The following COMMD10 variants were observed in gnomAD, a reference collection of about 807,000 sequenced individuals.
COMMD10 encodes the protein COMM domain containing 10, also known as COMM domain-containing protein 10.
A neutral mutation model predicts 28.9 loss-of-function variants in COMMD10; 33 were observed. The observed-to-expected ratio is 1.14, with a 90% CI of 0.87 to 1.53. The LOEUF is 1.53. Ranked by LOEUF, COMMD10 falls within the 40% of genes most tolerant of loss-of-function variation. COMMD10 has a pLI of 0.00. For missense variants in COMMD10, 310 were observed against 233.4 expected (o/e 1.33, Z -2.14); for synonymous variants, 110 against 81.7 (o/e 1.35, Z -1.87).
chr5:116,173,442 T>C lies in COMMD10; in HGVS notation c.510+39264T>C, dbSNP rs200194420. Among the ~76,000 whole-genome samples the C allele has an allele frequency of 2.8e-4, 43 of 152,280 alleles. No homozygotes were observed. The East Asian group carries it at 7.3e-3, about 26-fold the overall frequency. On this transcript the variant is annotated intron_variant, in intron 5 of 6. Coordinates refer to ENST00000274458, the MANE Select transcript of COMMD10 (RefSeq NM_016144.4). Reference sequence around the variant, plus strand: ...TTTTAACATTTTACTTTCTATGTTATTTTGGTGAACTGGATCATGCAACTT... The same window carrying C: ...TTTTAACATTTTACTTTCTATGTTACTTTGGTGAACTGGATCATGCAACTT...
rs766145196 is a variant in COMMD10 at position 116,091,114 on chromosome 5, A to T, written c.168A>T (p.Lys56Asn). The T allele has an allele frequency of 5.0e-6, 8 of 1,612,102 alleles. No homozygotes were observed. The highest frequency in any genetic ancestry group is 5.9e-6 in the Non-Finnish European group (7 of 1,178,958). The change falls in exon 3 of 7, where the codon AAA becomes AAT. Residue 56 changes from lysine to asparagine, a missense_variant. Transcript: ENST00000274458. ...ESSFSEEEEE[K>N]LQAAFSLEKQ... Reference sequence around the variant, plus strand: ...GTTTCAGTGAAGAAGAGGAAGAAAAACTTCAAGCGGCATTTTCTCTAGAGA... The same window carrying T: ...GTTTCAGTGAAGAAGAGGAAGAAAATCTTCAAGCGGCATTTTCTCTAGAGA...
At chr5:116,271,979 T>C (rs1024359596) in intron 5 of COMMD10, among the ~76,000 whole-genome samples, 2 of 151,890 alleles carry the variant, frequency 1.3e-5, no homozygotes, top group African/African-American at 4.9e-5. Context: ...ACTTTGGGAT[T>C]ACACAAATTT....
At chr5:116,163,423 T>TTAAAA (rs1752984841) in intron 5 of COMMD10, among the ~76,000 whole-genome samples, 2 of 92,524 alleles carry the variant, frequency 2.2e-5, no homozygotes, top group African/African-American at 1.1e-4. Context: ...CACCTCTACT[T>TTAAAA]AAAAAAAAAA....
chr5:116,132,065 A>G (rs1751879680), intron 4 of COMMD10, among the ~76,000 whole-genome samples: 1 of 151,978 alleles, frequency 6.6e-6, no homozygotes, highest in Non-Finnish European at 1.5e-5. Context: ...GGATGATGGG[A>G]CGAGGTTCTA....
At chr5:116,141,605 T>C (rs2112782169) in intron 5 of COMMD10, among the ~76,000 whole-genome samples, 1 of 152,016 alleles carries the variant, frequency 6.6e-6, no homozygotes, top group East Asian at 1.9e-4. Context: ...GTTATAGTTT[T>C]CAGAGCTTTC....
intron 5 of COMMD10, among the ~76,000 whole-genome samples, chr5:116,170,885 A>G (rs1321618567): frequency 6.6e-6 from 1 of 152,230 alleles, no homozygotes; most frequent in South Asian, 2.1e-4. Flanking sequence ...TAAAAACCCT[A>G]GGAAAAAATC....
chr5:116,124,605 T>G (rs901704203), intron 4 of COMMD10, among the ~76,000 whole-genome samples: 1 of 152,190 alleles, frequency 6.6e-6, no homozygotes, highest in Non-Finnish European at 1.5e-5. Flanking sequence ...CAGAGCTGAG[T>G]TGAAGTCCTG....
chr5:116,237,597 C>G (rs187469760), intron 5 of COMMD10, among the ~76,000 whole-genome samples: 2 of 151,922 alleles, frequency 1.3e-5, no homozygotes, highest in Admixed American at 1.3e-4. Context: ...ATCACTGGAG[C>G]GCAAAAGTTT....
At chr5:116,244,805 G>T (rs942022801) in intron 5 of COMMD10, among the ~76,000 whole-genome samples, 6 of 151,734 alleles carry the variant, frequency 4.0e-5, no homozygotes, top group African/African-American at 1.5e-4. Context: ...ACAAAATACC[G>T]GAATCTATGG....
intron 5 of COMMD10, among the ~76,000 whole-genome samples, chr5:116,190,074 G>A (rs1166097683): frequency 6.6e-6 from 1 of 152,132 alleles, no homozygotes; most frequent in African/African-American, 2.4e-5. Flanking sequence ...GATTGGTTGA[G>A]ATTGGATGAG....
chr5:116,115,766 A>G (rs1234461254), intron 4 of COMMD10, among the ~76,000 whole-genome samples: 1 of 152,180 alleles, frequency 6.6e-6, no homozygotes, highest in Non-Finnish European at 1.5e-5. Context: ...ACATCAATGT[A>G]TCTTTTCTGG....
chr5:116,232,570 G>A (rs373650590), intron 5 of COMMD10, among the ~76,000 whole-genome samples: 12 of 151,908 alleles, frequency 7.9e-5, no homozygotes, highest in South Asian at 2.1e-4. Context: ...ACGTGGTAGC[G>A]GGTGCCTGTA....
intron 5 of COMMD10, among the ~76,000 whole-genome samples, chr5:116,204,004 T>G (rs999429296): frequency 3.9e-5 from 6 of 152,060 alleles, no homozygotes; most frequent in Admixed American, 6.6e-5. Flanking sequence ...CCATCTCACG[T>G]GCAGAGACAC....
At chr5:116,118,354 CTGTT>C (rs1398587027) in intron 4 of COMMD10, among the ~76,000 whole-genome samples, 1 of 152,094 alleles carries the variant, frequency 6.6e-6, no homozygotes, top group Non-Finnish European at 1.5e-5. Context: ...TAATTTTTGT[CTGTT>C]TGTTTACTGC....
rs146280646 is a variant in COMMD10, at chr5:116,197,731, A to G, written c.510+63553A>G. ...AGAAAATTCATGAAAGGATTCTGCC[A>G]TTTTATTCACCTTTCTGACACTGCA... On this transcript the variant is annotated intron_variant, in intron 5 of 6. Coordinates refer to ENST00000274458, the MANE Select transcript of COMMD10 (RefSeq NM_016144.4). 7.5e-3 allele frequency among the ~76,000 whole-genome samples: 1,137 copies of G among 152,206 alleles called. 13 individuals carry two copies. Among genetic ancestry groups the G allele is most frequent in the Non-Finnish European group, 7.3e-3 (498 of 68,006 alleles).
At chr5:116,171,586 C>T (rs533267894) in intron 5 of COMMD10, among the ~76,000 whole-genome samples, 1 of 152,240 alleles carries the variant, frequency 6.6e-6, no homozygotes, top group East Asian at 1.9e-4. Context: ...CCCAAATGCC[C>T]ATCAATGATA....
intron 5 of COMMD10, among the ~76,000 whole-genome samples, chr5:116,176,497 C>T (rs746782513): frequency 1.6e-4 from 25 of 152,148 alleles, no homozygotes; most frequent in Middle Eastern, 3.2e-3. Context: ...GGGTTTACCA[C>T]TGTTATTCCA....
intron 1 of COMMD10, 22 bp from the exon 2 acceptor site, chr5:116,087,473 ACT>A (rs758367744): frequency 1.4e-6 from 2 of 1,477,122 alleles, no homozygotes; most frequent in African/African-American, 2.8e-5. Context: ...TCATTTCAAA[ACT>A]CTGTTTTATA....
intron 5 of COMMD10, among the ~76,000 whole-genome samples, chr5:116,202,584 G>T (rs976495065): frequency 1.3e-5 from 2 of 151,976 alleles, no homozygotes; most frequent in Admixed American, 6.6e-5. Flanking sequence ...CATTCTAAGT[G>T]GTGTGAGATG....
Sources: gnomAD v4.1 joint callset for allele counts (sites outside exome capture counted in the v4.1 genomes callset) on GRCh38, gnomAD v4.1.1 for gene constraint, MANE v1.5 for transcripts, NCBI Gene and HGNC (gene_info 2026-07-23, HGNC 2026-07-21) for gene names.